The following MTSS1 variants were observed in gnomAD, a reference collection of about 807,000 sequenced individuals.
The protein encoded by MTSS1 is protein MTSS 1.
A neutral mutation model predicts 79.0 loss-of-function variants in MTSS1; 18 were observed. That is an observed-to-expected ratio of 0.23 (90% CI 0.16 to 0.34). The LOEUF is 0.34. Ranked by LOEUF, MTSS1 falls within the 10% of genes least tolerant of loss-of-function variation. The probability of loss-of-function intolerance (pLI) is 1.00; values close to 1 mark genes in which losing one functional copy is unlikely to be tolerated. For missense variants in MTSS1, 815 were observed against 986.2 expected (o/e 0.83, Z 2.33); for synonymous variants, 341 against 368.6 (o/e 0.93, Z 0.86).
intron 3 of MTSS1, among the ~76,000 whole-genome samples, chr8:124,628,635 G>A (rs1815229525): frequency 6.6e-6 from 1 of 151,956 alleles, no homozygotes; most frequent in Non-Finnish European, 1.5e-5. Flanking sequence ...TTTCCCCATC[G>A]ATGACAGCAA....
At position 124,551,295 on chromosome 8, in the gene MTSS1, T is replaced by C. The variant is rs1236728035; in HGVS notation, c.*1697A>G. The C allele has an allele frequency of 6.5e-6, 1 of 152,688 alleles. No homozygotes were observed. The highest frequency in any genetic ancestry group is 1.5e-5 in the Non-Finnish European group (1 of 68,048). 9.5% of individuals were successfully genotyped at this position (152,688 alleles called of 1,614,324 possible). A position where few individuals can be genotyped will look rare whatever the true frequency, so the allele number is the denominator to read the frequency against. On this transcript the variant is annotated 3_prime_UTR_variant, in exon 14 of 14. Coordinates refer to ENST00000518547, the MANE Select transcript of MTSS1 (RefSeq NM_014751.6). ...TGGGCTAAACCACAGGCACTACTGT[T>C]GTTTATATTCTGTAAAAGGAGCTTG...
chr8:124,709,615 T>C (rs1830872193), intron 1 of MTSS1, among the ~76,000 whole-genome samples: 1 of 152,154 alleles, frequency 6.6e-6, no homozygotes, highest in Non-Finnish European at 1.5e-5. Context: ...TCGTTGAAAA[T>C]ACAACTCAGA....
At chr8:124,720,457 A>T (rs1259851069) in intron 1 of MTSS1, among the ~76,000 whole-genome samples, 1 of 152,246 alleles carries the variant, frequency 6.6e-6, no homozygotes, top group Non-Finnish European at 1.5e-5. Context: ...TAGATGGGAA[A>T]AGATGACCCT....
chr8:124,566,923 C>T (rs900442690), intron 8 of MTSS1, 148 bp downstream of exon 8: 2 of 641,310 alleles, frequency 3.1e-6, no homozygotes, highest in South Asian at 3.9e-5. Context: ...TGTAACAGCT[C>T]GCTGTGGTGA....
At chr8:124,720,539 C>T (rs1355691190) in intron 1 of MTSS1, among the ~76,000 whole-genome samples, 1 of 152,226 alleles carries the variant, frequency 6.6e-6, no homozygotes, top group Non-Finnish European at 1.5e-5. Flanking sequence ...GGACCCCACC[C>T]TCTCCTTCCC....
At chr8:124,566,103 T>C (rs1826364900) in intron 8 of MTSS1, 1 of 170,282 alleles carries the variant, frequency 5.9e-6, no homozygotes, top group African/African-American at 2.4e-5. Context: ...GATTTTCCTC[T>C]TGTAATGCCA....
chr8:124,663,858 C>T (rs921262880), intron 3 of MTSS1, among the ~76,000 whole-genome samples: 8 of 152,164 alleles, frequency 5.3e-5, no homozygotes, highest in African/African-American at 1.9e-4. Context: ...ACAGGAAACG[C>T]CATGACAGAG....
chr8:124,630,263 T>G (rs910115713), intron 3 of MTSS1, among the ~76,000 whole-genome samples: 2 of 150,740 alleles, frequency 1.3e-5, no homozygotes, highest in African/African-American at 2.5e-5. Flanking sequence ...CTGGGCTGAA[T>G]GGGGGCCACC....
intron 3 of MTSS1, among the ~76,000 whole-genome samples, chr8:124,632,007 T>C (rs1816050099): frequency 6.6e-6 from 1 of 152,184 alleles, no homozygotes; most frequent in Non-Finnish European, 1.5e-5. Flanking sequence ...CCGGGTGCAG[T>C]GGCTCATTCC....
intron 1 of MTSS1, among the ~76,000 whole-genome samples, chr8:124,705,498 A>G (rs1830265919): frequency 2.0e-5 from 3 of 152,286 alleles, no homozygotes; most frequent in South Asian, 4.1e-4. Flanking sequence ...AAAATAAAAT[A>G]AAACAAAACA....
chr8:124,644,183 A>G (rs996062100), intron 3 of MTSS1, among the ~76,000 whole-genome samples: 2 of 152,214 alleles, frequency 1.3e-5, no homozygotes, highest in African/African-American at 4.8e-5. Context: ...GCCAAAAGAA[A>G]AAAAAGAAAG....
intron 3 of MTSS1, among the ~76,000 whole-genome samples, chr8:124,631,312 G>C (rs756795626): frequency 6.6e-6 from 1 of 152,104 alleles, no homozygotes; most frequent in Non-Finnish European, 1.5e-5. Context: ...GACACAAAAC[G>C]CCCTTTACTT....
intron 3 of MTSS1, among the ~76,000 whole-genome samples, chr8:124,642,779 G>A (rs1432480983): frequency 1.3e-5 from 2 of 152,092 alleles, no homozygotes; most frequent in Non-Finnish European, 2.9e-5. Context: ...TTTTAGTAGA[G>A]ACAGGGTTTA....
intron 3 of MTSS1, among the ~76,000 whole-genome samples, chr8:124,678,739 C>T (rs1206666340): frequency 6.6e-6 from 1 of 152,182 alleles, no homozygotes; most frequent in African/African-American, 2.4e-5. Context: ...CCCTATCAGC[C>T]TGGTAGGCCC....
rs1826441590 is a variant in MTSS1 at position 124,683,375 on chromosome 8, GTATA to G, written c.208+16147_208+16150del. On this transcript the variant is annotated intron_variant, in intron 3 of 13. Transcript: ENST00000518547. The surrounding 1 kb of genome is among the most constrained non-coding windows in gnomAD (Gnocchi z 4.5). ...GTACACTATCAAATACTAGCTTTAT[GTATA>G]TATAGATATATACGTATATACACAT... Among the ~76,000 whole-genome samples the G allele has an allele frequency of 6.6e-6, 1 of 152,124 alleles. No individual in the cohort carries two copies. The highest frequency in any genetic ancestry group is 2.1e-4 in the South Asian group (1 of 4,824).
Position 124,557,754 on chromosome 8 carries a change from T to A in MTSS1, c.1157A>T (p.His386Leu). 6.2e-7 allele frequency: 1 copy of A among 1,603,028 alleles called. No individual in the cohort carries two copies. Among genetic ancestry groups the A allele is most frequent in the East Asian group, 2.3e-5 (1 of 44,392 alleles). ...SRLLPRVTSVHLPDYAHYYTI... is the reference protein window; with the variant it reads ...SRLLPRVTSVLLPDYAHYYTI... ...GTAATAATGAGCGTAGTCTGGAAGGTGGACAGAGGTGACCCGAGGGAGCAG... is the reference window on the plus strand; with the variant it reads ...GTAATAATGAGCGTAGTCTGGAAGGAGGACAGAGGTGACCCGAGGGAGCAG... The change falls in exon 11 of 14, where the codon CAC becomes CTC. Residue 386 changes from histidine to leucine, a missense_variant. By Grantham distance (99) the His-to-Leu change is moderately conservative (BLOSUM62 -3). Around this residue, in one of 2 missense-constraint regions of MTSS1, gnomAD observed 590 missense variants for 620.8 expected, o/e 0.95. Transcript: ENST00000518547.
chr8:124,665,647 C>T (rs910929708), intron 3 of MTSS1, among the ~76,000 whole-genome samples: 1 of 152,058 alleles, frequency 6.6e-6, no homozygotes, highest in African/African-American at 2.4e-5. Context: ...GCGGGTGGAT[C>T]ACCTGAGGTT....
chr8:124,584,959 A>G (rs753524267), intron 6 of MTSS1, 128 bp downstream of exon 6: 3 of 744,266 alleles, frequency 4.0e-6, no homozygotes, highest in Non-Finnish European at 6.9e-6. Context: ...GATAGGTCCT[A>G]TTTGCTCCCA....
chr8:124,570,837 G>A (rs7003602), intron 6 of MTSS1, among the ~76,000 whole-genome samples: 11,831 of 152,148 alleles, frequency 0.078, 622 homozygotes, highest in Non-Finnish European at 0.11. Flanking sequence ...TGCCCAGCTA[G>A]TTTTTCAATT....
Sources: gnomAD v4.1 joint callset for allele counts (sites outside exome capture counted in the v4.1 genomes callset) on GRCh38, gnomAD v4.1.1 for gene constraint, gnomAD v4.1.1 regional missense constraint, Gnocchi (gnomAD v3.1) non-coding constraint, MANE v1.5 for transcripts, NCBI Gene and HGNC (gene_info 2026-07-23, HGNC 2026-07-21) for gene names.